The following EPHB2 variants were observed in gnomAD, a reference collection of about 807,000 sequenced individuals.
EPHB2 encodes the protein EPH receptor B2, also known as ephrin type-B receptor 2.
EPHB2 carries 18 observed loss-of-function variants against 96.4 expected under a neutral mutation model. The ratio of observed to expected loss-of-function variants is 0.19; its 90% confidence interval spans 0.13 to 0.28. The LOEUF (loss-of-function observed/expected upper bound fraction) is 0.28, where lower values mean the gene tolerates loss of function less well. Ranked by LOEUF, EPHB2 falls within the 10% of genes least tolerant of loss-of-function variation. EPHB2 has a pLI of 1.00. For missense variants in EPHB2, 989 were observed against 1,355.4 expected (o/e 0.73, Z 4.25); for synonymous variants, 506 against 534.1 (o/e 0.95, Z 0.72).
intron 1 of EPHB2, among the ~76,000 whole-genome samples, chr1:22,765,098 G>A (rs989280166): frequency 6.6e-6 from 1 of 152,186 alleles, no homozygotes; most frequent in African/African-American, 2.4e-5. Flanking sequence ...ATCTGGGTGA[G>A]GGTGAGGAGC....
chr1:22,787,417 C>A (rs12076863), intron 3 of EPHB2, among the ~76,000 whole-genome samples: 3,974 of 152,152 alleles, frequency 0.026, 178 homozygotes, highest in African/African-American at 0.091. Context: ...GCGGGGTGTT[C>A]AGATGAGAAG....
rs547597119 is a variant in EPHB2 at position 22,735,931 on chromosome 1, A to G, written c.61+24888A>G. Among the ~76,000 whole-genome samples the G allele has an allele frequency of 5.3e-5, 8 of 152,282 alleles. No homozygotes were observed. In the South Asian group the frequency reaches 1.2e-3, roughly 24 times the overall value. On this transcript the variant is annotated intron_variant, in intron 1 of 15. Coordinates refer to ENST00000374630, the MANE Select transcript of EPHB2 (RefSeq NM_017449.5). ...CGGAGCAGCCTAAGGTATCTTGTAC[A>G]GTGGATAAGAGTGTGGGCTCTGAGG...
At chr1:22,797,312 G>C (rs375424446) in intron 3 of EPHB2, among the ~76,000 whole-genome samples, 1 of 152,146 alleles carries the variant, frequency 6.6e-6, no homozygotes. Flanking sequence ...AAGTCAGTGG[G>C]AGACATGGAC....
intron 1 of EPHB2, among the ~76,000 whole-genome samples, chr1:22,762,951 G>A (rs1192487610): frequency 6.6e-6 from 1 of 152,148 alleles, no homozygotes; most frequent in African/African-American, 2.4e-5. Context: ...CTCTACAGCA[G>A]CATCTAGTGC....
At chr1:22,885,899 C>T (rs1369421890) in intron 6 of EPHB2, among the ~76,000 whole-genome samples, 1 of 152,194 alleles carries the variant, frequency 6.6e-6, no homozygotes, top group East Asian at 1.9e-4. Flanking sequence ...AGCTTGGCAT[C>T]TGCCAGTGGG....
At chr1:22,764,835 A>C (rs1644284770) in intron 1 of EPHB2, among the ~76,000 whole-genome samples, 1 of 151,924 alleles carries the variant, frequency 6.6e-6, no homozygotes, top group African/African-American at 2.4e-5. Context: ...TGGACCTAAC[A>C]CCTGGGTTCT....
chr1:22,811,585 C>T (rs1157883718), intron 3 of EPHB2, among the ~76,000 whole-genome samples: 1 of 152,230 alleles, frequency 6.6e-6, no homozygotes, highest in Non-Finnish European at 1.5e-5. Context: ...CATCCCACTC[C>T]CATCCAGGCC....
intron 5 of EPHB2, among the ~76,000 whole-genome samples, chr1:22,872,676 G>A (rs954398127): frequency 6.6e-5 from 10 of 152,202 alleles, no homozygotes; most frequent in African/African-American, 2.4e-4. Flanking sequence ...CTGACCGGGT[G>A]TCTGTGACAC....
intron 3 of EPHB2, among the ~76,000 whole-genome samples, chr1:22,841,818 G>A (rs1030851789): frequency 6.6e-6 from 1 of 152,198 alleles, no homozygotes; most frequent in Non-Finnish European, 1.5e-5. Context: ...CTGGGATGAA[G>A]GCCTGCTGTC....
rs559964274 is a variant in EPHB2, at chr1:22,814,232, G to T, written c.811+29156G>T. On this transcript the variant is annotated intron_variant, in intron 3 of 15. Transcript: ENST00000374630. ...CATGGATTTGTTGGCTTATCTTTAT[G>T]TATTTACTGAGGACCCATTGAGTGC... 2.6e-5 allele frequency among the ~76,000 whole-genome samples: 4 copies of T among 152,290 alleles called. No homozygotes were observed. The East Asian group carries it at 7.7e-4, about 29-fold the overall frequency.
chr1:22,804,263 G>T (rs1252254480), intron 3 of EPHB2, among the ~76,000 whole-genome samples: 2 of 152,086 alleles, frequency 1.3e-5, no homozygotes, highest in Non-Finnish European at 2.9e-5. Flanking sequence ...CACACAGGAG[G>T]TGCTTAGTGG....
intron 1 of EPHB2, among the ~76,000 whole-genome samples, chr1:22,756,372 A>G (rs920523606): frequency 6.6e-6 from 1 of 151,718 alleles, no homozygotes; most frequent in Non-Finnish European, 1.5e-5. Context: ...CCCCTGGGAG[A>G]AGCACAAGGA....
chr1:22,863,927 A>G (rs1638366829), intron 4 of EPHB2, among the ~76,000 whole-genome samples: 1 of 151,612 alleles, frequency 6.6e-6, no homozygotes, highest in Non-Finnish European at 1.5e-5. Context: ...GGGTCTCGCT[A>G]TGTTGCCAAG....
At chr1:22,835,820 C>T (rs763375893) in intron 3 of EPHB2, 1 of 152,208 alleles carries the variant, frequency 6.6e-6, no homozygotes, top group Non-Finnish European at 1.5e-5. Context: ...AGGTTGTCTT[C>T]GTAGCCAGCG....
chr1:22,860,099 C>T lies in EPHB2; in HGVS notation c.812-2938C>T, dbSNP rs888850758. On this transcript the variant is annotated intron_variant, in intron 3 of 15. Coordinates refer to ENST00000374630, the MANE Select transcript of EPHB2 (RefSeq NM_017449.5). The surrounding 1 kb of genome is among the most constrained non-coding windows in gnomAD (Gnocchi z 4.6). ...TGTACCGTAGCATGTGTCAATGCTT[C>T]GTTCCTTTTTATGGCCGAATAGTAT... Among the ~76,000 whole-genome samples the T allele has an allele frequency of 6.6e-6, 1 of 152,134 alleles. No individual in the cohort carries two copies. The highest frequency in any genetic ancestry group is 6.5e-5 in the Admixed American group (1 of 15,272).
chr1:22,900,360 G>A (rs928833776), intron 9 of EPHB2, among the ~76,000 whole-genome samples: 5 of 152,158 alleles, frequency 3.3e-5, no homozygotes, highest in Non-Finnish European at 5.9e-5. Flanking sequence ...TAATGAAATC[G>A]TGATCATAGA....
At chr1:22,808,414 C>T (rs1644957701) in intron 3 of EPHB2, among the ~76,000 whole-genome samples, 1 of 152,214 alleles carries the variant, frequency 6.6e-6, no homozygotes, top group Non-Finnish European at 1.5e-5. Context: ...AAGTGAGAGG[C>T]CCACAAGCTA....
chr1:22,729,723 A>G (rs1277953938), intron 1 of EPHB2, among the ~76,000 whole-genome samples: 2 of 152,156 alleles, frequency 1.3e-5, no homozygotes, highest in Admixed American at 6.5e-5. Context: ...CTTTTGCTGC[A>G]TTTGTCAACA....
chr1:22,891,795 G>T (rs968789), intron 6 of EPHB2, among the ~76,000 whole-genome samples: 66,573 of 146,424 alleles, frequency 0.45, 15,656 homozygotes, highest in Admixed American at 0.52. Flanking sequence ...TTTTTTTTTT[G>T]TTGTTGTTGT....
Sources: allele counts gnomAD v4.1 joint callset (sites outside exome capture counted in the v4.1 genomes callset), GRCh38; gene constraint gnomAD v4.1.1; non-coding constraint Gnocchi (gnomAD v3.1); transcripts MANE v1.5; gene names NCBI Gene and HGNC (gene_info 2026-07-23, HGNC 2026-07-21).